TNRC18: variants seen among roughly 807,000 people sequenced by gnomAD.
The protein encoded by TNRC18 is trinucleotide repeat containing 18, also known as trinucleotide repeat-containing gene 18 protein.
In TNRC18, 69 loss-of-function variants were observed where a neutral mutation model predicts 226.7. The observed-to-expected ratio is 0.30, with a 90% CI of 0.25 to 0.37. The LOEUF is 0.37. TNRC18 is among the 10% of genes least tolerant of loss of function. The probability of loss-of-function intolerance (pLI) is 1.00; values close to 1 mark genes in which losing one functional copy is unlikely to be tolerated. For synonymous variants in TNRC18, 2,449 were observed against 1,927.6 expected (o/e 1.27, Z -7.09); for missense variants, 4,754 against 4,256.6 (o/e 1.12, Z -3.25).
At chr7:5,335,427 G>C (rs949544325) in intron 18 of TNRC18, among the ~76,000 whole-genome samples, 1 of 151,302 alleles carries the variant, frequency 6.6e-6, no homozygotes, top group Admixed American at 6.6e-5. Flanking sequence ...GGCCAACATG[G>C]TGAAACACCA....
intron 17 of TNRC18, among the ~76,000 whole-genome samples, chr7:5,350,578 G>A (rs1440128482): frequency 2.0e-5 from 3 of 152,180 alleles, no homozygotes; most frequent in African/African-American, 7.2e-5. Context: ...CCCTCAGCTG[G>A]CCCTAGTGGG....
At chr7:5,351,793 G>A (rs181028524) in intron 17 of TNRC18, 26 bp downstream of exon 17, 18,735 of 1,549,058 alleles carry the variant, frequency 0.012, 132 homozygotes, top group Non-Finnish European at 0.015. Flanking sequence ...AAACACGGAA[G>A]GTATTTTGTG....
intron 18 of TNRC18, 93 bp downstream of exon 18, chr7:5,345,469 A>C: frequency 8.0e-7 from 1 of 1,257,542 alleles, no homozygotes; most frequent in Non-Finnish European, 1.1e-6. Flanking sequence ...CTGCACCTGC[A>C]TCTCTGAGCC....
intron 9 of TNRC18, 146 bp downstream of exon 9, chr7:5,375,888 C>T (rs915092903): frequency 1.3e-6 from 1 of 778,474 alleles, no homozygotes; most frequent in Non-Finnish European, 2.0e-6. Flanking sequence ...CCACTGCTGC[C>T]TCCTCCAGAA....
At chr7:5,326,298 T>A (rs1305184490) in intron 19 of TNRC18, among the ~76,000 whole-genome samples, 1 of 152,140 alleles carries the variant, frequency 6.6e-6, no homozygotes, top group Non-Finnish European at 1.5e-5. Context: ...TTTGCAACGT[T>A]TCCCCTCAAC....
rs371286357 is a variant in TNRC18 at position 5,327,918 on chromosome 7, T to C, written c.6148-2670A>G. ...AGACAGGCAGGCAGTGGGATGGCAT[T>C]CAACCATTTAAAAATACTGACAGCC... On this transcript the variant is annotated intron_variant, in intron 19 of 29. Coordinates refer to ENST00000430969, the MANE Select transcript of TNRC18 (RefSeq NM_001080495.3). 3.0e-4 allele frequency among the ~76,000 whole-genome samples: 45 copies of C among 152,142 alleles called. 1 individual carries two copies. The East Asian group carries it at 6.8e-3, about 23-fold the overall frequency.
intron 11 of TNRC18, among the ~76,000 whole-genome samples, chr7:5,365,131 C>T (rs1793488810): frequency 6.6e-6 from 1 of 152,108 alleles, no homozygotes; most frequent in Non-Finnish European, 1.5e-5. Flanking sequence ...CCTGTCTTTT[C>T]AAGATAGGGT....
At chr7:5,339,570 TGTGTGTG>T (rs1790473341) in intron 18 of TNRC18, among the ~76,000 whole-genome samples, 2 of 148,982 alleles carry the variant, frequency 1.3e-5, no homozygotes, top group African/African-American at 5.0e-5. Flanking sequence ...TGTGTGTGTG[TGTGTGTG>T]TTTTTCGACA....
chr7:5,394,451 T>C lies in TNRC18; in HGVS notation c.332A>G (p.His111Arg), dbSNP rs762484658. Reference sequence around the variant, plus strand: ...GGCATGTTCCTTACCTTCATGGGCGTGGGCGGCCCACAGCTGCACCATGGG... The same window carrying C: ...GGCATGTTCCTTACCTTCATGGGCGCGGGCGGCCCACAGCTGCACCATGGG... ...NLPMVQLWAA[H>R]AHEGFSHLPS... Residue 111 changes from histidine (H) to arginine (R), a missense_variant, in exon 3 of 30, where the codon CAC becomes CGC. Physicochemically the swap from His to Arg is conservative, Grantham distance 29. Transcript: ENST00000430969. This position sits in a 1 kb window ranked among gnomAD's most constrained non-coding sequence, Gnocchi z 4.5. The C allele has an allele frequency of 3.2e-6, 5 of 1,545,752 alleles. No individual in the cohort carries two copies. In the Admixed American group the frequency reaches 6.2e-5, roughly 19 times the overall value.
At chr7:5,406,204 C>T (rs1281287349) in intron 2 of TNRC18, among the ~76,000 whole-genome samples, 1 of 152,202 alleles carries the variant, frequency 6.6e-6, no homozygotes, top group Non-Finnish European at 1.5e-5. Context: ...GTGGCTCACG[C>T]CTGTAATCCC....
chr7:5,360,363 G>A (rs974120619), intron 14 of TNRC18, among the ~76,000 whole-genome samples: 1 of 151,978 alleles, frequency 6.6e-6, no homozygotes, highest in African/African-American at 2.4e-5. Context: ...CCAAATAGCT[G>A]GGATTACAGG....
intron 10 of TNRC18, among the ~76,000 whole-genome samples, chr7:5,371,791 C>A (rs1444377366): frequency 6.6e-6 from 1 of 151,592 alleles, no homozygotes; most frequent in Non-Finnish European, 1.5e-5. Context: ...AACAGCAGAG[C>A]CAGGCGTGGT....
At chr7:5,321,212 G>C (rs1788319697) in intron 21 of TNRC18, 22 bp from the exon 22 acceptor site, 2 of 1,517,186 alleles carry the variant, frequency 1.3e-6, no homozygotes, top group Non-Finnish European at 1.8e-6. Flanking sequence ...GGATCGTGAG[G>C]CGAGGCTGGA....
chr7:5,399,401 G>C (rs1780925633), intron 2 of TNRC18, among the ~76,000 whole-genome samples: 1 of 152,192 alleles, frequency 6.6e-6, no homozygotes, highest in Non-Finnish European at 1.5e-5. Context: ...TAGAAGCTAA[G>C]ACCAATGACC....
At chr7:5,322,283 A>AACCATC (rs1554271901) in intron 21 of TNRC18, among the ~76,000 whole-genome samples, 2 of 149,390 alleles carry the variant, frequency 1.3e-5, no homozygotes, top group African/African-American at 4.9e-5. Flanking sequence ...CCGTCTCAAT[A>AACCATC]ATCATCATCA....
chr7:5,373,137 A>G (rs1326853514), intron 10 of TNRC18, among the ~76,000 whole-genome samples: 1 of 152,152 alleles, frequency 6.6e-6, no homozygotes, highest in African/African-American at 2.4e-5. Flanking sequence ...CAGCCTGGGC[A>G]ACAAGAGCAA....
At chr7:5,342,569 G>A (rs190365263) in intron 18 of TNRC18, among the ~76,000 whole-genome samples, 16 of 152,334 alleles carry the variant, frequency 1.1e-4, no homozygotes, top group African/African-American at 3.6e-4. Flanking sequence ...GCCTGGAGAT[G>A]GGACTGAATT....
intron 2 of TNRC18, among the ~76,000 whole-genome samples, chr7:5,416,205 G>C (rs1302081529): frequency 6.6e-6 from 1 of 151,142 alleles, no homozygotes; most frequent in African/African-American, 2.4e-5. Flanking sequence ...AAGAGGTCAG[G>C]AGATCGAGAT....
intron 14 of TNRC18, among the ~76,000 whole-genome samples, chr7:5,360,740 G>A (rs1457094314): frequency 6.6e-6 from 1 of 152,134 alleles, no homozygotes; most frequent in Non-Finnish European, 1.5e-5. Flanking sequence ...GCTGGTGAGG[G>A]AGATTTCTAC....
Sources: allele counts gnomAD v4.1 joint callset (sites outside exome capture counted in the v4.1 genomes callset), GRCh38; gene constraint gnomAD v4.1.1; non-coding constraint Gnocchi (gnomAD v3.1); transcripts MANE v1.5; gene names NCBI Gene and HGNC (gene_info 2026-07-23, HGNC 2026-07-21).